The following GTF3C1 variants were observed in gnomAD, a reference collection of about 807,000 sequenced individuals.
GTF3C1 encodes general transcription factor IIIC subunit 1, also known as general transcription factor 3C polypeptide 1.
A neutral mutation model predicts 226.7 loss-of-function variants in GTF3C1; 57 were observed. That is an observed-to-expected ratio of 0.25 (90% CI 0.20 to 0.31). The LOEUF (loss-of-function observed/expected upper bound fraction) is 0.31, where lower values mean the gene tolerates loss of function less well. Among genes scored for constraint, GTF3C1 ranks in the 10% least tolerant of loss-of-function variants. GTF3C1 has a pLI of 1.00. For synonymous variants in GTF3C1, 1,090 were observed against 1,084.8 expected, an observed-to-expected ratio of 1.00 and a Z score of -0.09; for missense variants, 2,217 against 2,776.1, an observed-to-expected ratio of 0.80 and a Z score of 4.53.
At chr16:27,494,620 CATCT>C in intron 16 of GTF3C1, 139 bp downstream of exon 16, 1 of 616,822 alleles carries the variant, frequency 1.6e-6, no homozygotes, top group South Asian at 2.0e-5. Flanking sequence ...CTTGAATGAG[CATCT>C]GCCTATCCAT....
In GTF3C1 at chr16:27,542,283, G is replaced by A. The variant is rs370676763; in HGVS notation, c.431+3031C>T. On this transcript the variant is annotated intron_variant, in intron 2 of 36. Coordinates refer to ENST00000356183, the MANE Select transcript of GTF3C1 (RefSeq NM_001520.4). The stretch of plus-strand genomic sequence containing the variant: ...GTTGAAGTTTAACTACCAGTATGCC[G>A]GGTGCAGTGGCCCATGCCTGTAATC... Among the ~76,000 whole-genome samples the A allele has an allele frequency of 5.0e-3, 760 of 152,274 alleles. 3 individuals carry two copies. The highest frequency in any genetic ancestry group is 0.027 in the Middle Eastern group (8 of 294).
At position 27,466,568 on chromosome 16, in the gene GTF3C1, G is replaced by A. The variant is rs150196443; in HGVS notation, c.5075-1028C>T. On this transcript the variant is annotated intron_variant, in intron 32 of 36. Transcript: ENST00000356183. ...CTTACAGTGACCCCTCTGCATTCAA[G>A]TGAAAGGAAGAGTTGGACATCTCTC... Among the ~76,000 whole-genome samples, 108 of 152,288 alleles carry A rather than the reference G, an allele frequency of 7.1e-4. 1 individual carries two copies. Among genetic ancestry groups the A allele is most frequent in the Non-Finnish European group, 1.3e-3 (88 of 68,030 alleles).
intron 23 of GTF3C1, among the ~76,000 whole-genome samples, chr16:27,487,273 T>C (rs1420935233): frequency 1.3e-5 from 2 of 152,186 alleles, no homozygotes; most frequent in Non-Finnish European, 2.9e-5. Flanking sequence ...GCCAGCCAAA[T>C]AAACCACTAA....
rs1446481746 is a variant in GTF3C1 at position 27,549,689 on chromosome 16, C to G, written c.202G>C (p.Asp68His). 7.3e-7 allele frequency: 1 copy of G among 1,372,672 alleles called. No individual in the cohort carries two copies. Among genetic ancestry groups the G allele is most frequent in the African/African-American group, 1.5e-5 (1 of 67,448 alleles). The allele number at this position is 1,372,672 out of a possible 1,614,324, so 85.0% of individuals were successfully genotyped here. A position where few individuals can be genotyped will look rare whatever the true frequency, so the allele number is the denominator to read the frequency against. ...GCTGACCGGTCCTGGAGCTGTAGGT[C>G]GGGTCGCTCCCGAGGCTCCTCATAG... ...SFYEEPRERP[D>H]LQLQDRYEEI... Residue 68 changes from aspartate to histidine, a missense_variant, in exon 1 of 37, where the codon GAC becomes CAC. By Grantham distance (81) the Asp-to-His change is moderately conservative. Around this residue, in one of 12 missense-constraint regions of GTF3C1, gnomAD observed 192 missense variants for 251.8 expected, o/e 0.76. Coordinates refer to ENST00000356183, the MANE Select transcript of GTF3C1 (RefSeq NM_001520.4).
At chr16:27,511,668 C>T (rs1050923483) in intron 7 of GTF3C1, 81 bp downstream of exon 7, 15 of 1,440,064 alleles carry the variant, frequency 1.0e-5, no homozygotes, top group Non-Finnish European at 9.7e-6. Context: ...TAGCAGAGCT[C>T]TCTCTCGACA....
At chr16:27,541,088 C>T (rs985878815) in intron 2 of GTF3C1, among the ~76,000 whole-genome samples, 11 of 152,106 alleles carry the variant, frequency 7.2e-5, no homozygotes, top group South Asian at 2.1e-4. Context: ...TGATCCACCC[C>T]CCTCGGCCTC....
At chr16:27,468,714 T>C (rs189718655) in intron 32 of GTF3C1, among the ~76,000 whole-genome samples, 58 of 152,152 alleles carry the variant, frequency 3.8e-4, no homozygotes, top group Admixed American at 2.0e-3. Context: ...CTGGGCAACA[T>C]AGCGAGTCCC....
chr16:27,465,213 G>T, intron 33 of GTF3C1, 47 bp downstream of exon 33: 5 of 1,580,346 alleles, frequency 3.2e-6, no homozygotes, highest in Non-Finnish European at 4.3e-6. Context: ...CCTGGGAGCT[G>T]CAATTTCCGC....
rs34737721 is a variant in GTF3C1, at chr16:27,464,620, G to C, written c.5572C>G (p.Arg1858Gly). The C allele has an allele frequency of 8.7e-4, 1,314 of 1,503,936 alleles. 12 individuals carry two copies. The African/African-American group carries it at 0.017, about 19-fold the overall frequency. 93.2% of individuals were successfully genotyped at this position (1,503,936 alleles called of 1,614,324 possible). Reference protein sequence around the residue: ...EGQAPPSHSPRGTKRRASWAS... With the variant: ...EGQAPPSHSPGGTKRRASWAS... Reference sequence around the variant, plus strand: ...CAGCTGGCGCGCCTCTTGGTGCCCCGGGGGCTGTGAGAAGGAGGTGCCTGC... The same window carrying C: ...CAGCTGGCGCGCCTCTTGGTGCCCCCGGGGCTGTGAGAAGGAGGTGCCTGC... Residue 1858 changes from arginine (R) to glycine (G), a missense_variant, in exon 34 of 37, where the codon CGG becomes GGG. Arg to Gly is a moderately radical substitution (Grantham distance 125). This residue lies in a region of GTF3C1 where 455 missense variants were observed against 441.9 expected (regional missense o/e 1.03). Transcript: ENST00000356183.
chr16:27,502,827 GCAGACAGA>G (rs371689122), intron 11 of GTF3C1, 24 bp downstream of exon 11: 6 of 1,549,782 alleles, frequency 3.9e-6, no homozygotes, highest in African/African-American at 2.7e-5. Context: ...GTTAGTGCCA[GCAGACAGA>G]CAGACAGACA....
intron 16 of GTF3C1, among the ~76,000 whole-genome samples, chr16:27,493,687 G>A (rs2088267824): frequency 6.6e-6 from 1 of 152,142 alleles, no homozygotes; most frequent in South Asian, 2.1e-4. Flanking sequence ...TGCTGGAGCC[G>A]CCAATCTATG....
At chr16:27,542,813 T>C (rs1323008420) in intron 2 of GTF3C1, among the ~76,000 whole-genome samples, 1 of 152,204 alleles carries the variant, frequency 6.6e-6, no homozygotes, top group Admixed American at 6.5e-5. Flanking sequence ...CACCATGCTA[T>C]AAGGCAGCAC....
chr16:27,539,936 G>A (rs1466567298), intron 2 of GTF3C1, among the ~76,000 whole-genome samples: 1 of 152,116 alleles, frequency 6.6e-6, no homozygotes, highest in Non-Finnish European at 1.5e-5. Flanking sequence ...ATGGCCCAAG[G>A]TAGAGGACCC....
chr16:27,534,630 T>C (rs1314878698), intron 4 of GTF3C1, among the ~76,000 whole-genome samples: 2 of 152,282 alleles, frequency 1.3e-5, no homozygotes, highest in East Asian at 3.8e-4. Flanking sequence ...CTTGACTTAA[T>C]GCAGTGTTCT....
At chr16:27,533,771 C>T (rs984085915) in intron 4 of GTF3C1, among the ~76,000 whole-genome samples, 26 of 152,174 alleles carry the variant, frequency 1.7e-4, no homozygotes, top group Admixed American at 1.4e-3. Context: ...TTTGGGAGGC[C>T]GAGGCAGGCA....
At chr16:27,483,355 C>G (rs192350930) in intron 25 of GTF3C1, 2 of 642,206 alleles carry the variant, frequency 3.1e-6, no homozygotes, top group Non-Finnish European at 5.8e-6. Flanking sequence ...TCTGAACTTC[C>G]GTCCTTCATA....
intron 2 of GTF3C1, among the ~76,000 whole-genome samples, chr16:27,543,509 G>T (rs1432198247): frequency 6.6e-6 from 1 of 152,222 alleles, no homozygotes; most frequent in Non-Finnish European, 1.5e-5. Flanking sequence ...CCCCATCGCA[G>T]TCTCCCAAGT....
chr16:27,530,773 C>A (rs2088903321), intron 5 of GTF3C1, among the ~76,000 whole-genome samples: 1 of 152,178 alleles, frequency 6.6e-6, no homozygotes, highest in East Asian at 1.9e-4. Flanking sequence ...GGGGGCCAGG[C>A]ACTGTCTTCA....
At chr16:27,542,693 G>T (rs987747339) in intron 2 of GTF3C1, among the ~76,000 whole-genome samples, 7 of 152,280 alleles carry the variant, frequency 4.6e-5, no homozygotes, top group Non-Finnish European at 8.8e-5. Flanking sequence ...AAGAAAATGA[G>T]TCTCCTTCTC....
Sources: allele counts gnomAD v4.1 joint callset (sites outside exome capture counted in the v4.1 genomes callset), GRCh38; gene constraint gnomAD v4.1.1; regional missense constraint gnomAD v4.1.1; transcripts MANE v1.5; gene names NCBI Gene and HGNC (gene_info 2026-07-23, HGNC 2026-07-21).